IQCH: variants seen among roughly 807,000 people sequenced by gnomAD.
IQCH encodes the protein IQ motif containing H.
Under a neutral mutation model 117.0 loss-of-function variants are expected in IQCH, and 98 were observed. The observed-to-expected ratio is 0.84, with a 90% CI of 0.71 to 0.99. The LOEUF (loss-of-function observed/expected upper bound fraction) is 0.99. IQCH is among the 50% of genes least tolerant of loss of function. IQCH has a pLI of 0.00. For missense variants in IQCH, 1,102 were observed against 1,243.8 expected (o/e 0.89, Z 1.72); for synonymous variants, 412 against 448.2 (o/e 0.92, Z 1.02).
intron 6 of IQCH, 22 bp from the exon 7 acceptor site, chr15:67,357,323 C>T: frequency 6.5e-7 from 1 of 1,530,640 alleles, no homozygotes; most frequent in Non-Finnish European, 9.1e-7. Flanking sequence ...GAAAAGGTAA[C>T]ATGTACTATC....
chr15:67,376,445 T>C lies in IQCH; in HGVS notation c.1372+3012T>C, dbSNP rs1417694000. ...CACTAGTCAAAATCAGTTGGTAGGATTGTCTGGTTCAGGTAGGCATTTAAC... is the reference window on the plus strand; with the variant it reads ...CACTAGTCAAAATCAGTTGGTAGGACTGTCTGGTTCAGGTAGGCATTTAAC... On this transcript the variant is annotated intron_variant, in intron 10 of 20. Transcript: ENST00000335894. This position sits in a 1 kb window ranked among gnomAD's most constrained non-coding sequence, Gnocchi z 5.0. 6.6e-6 allele frequency among the ~76,000 whole-genome samples: 1 copy of C among 152,200 alleles called. No individual in the cohort carries two copies. Among genetic ancestry groups the C allele is most frequent in the Non-Finnish European group, 1.5e-5 (1 of 68,016 alleles).
At chr15:67,306,877 G>A (rs1596146676) in intron 4 of IQCH, 1 of 1,526,038 alleles carries the variant, frequency 6.6e-7, no homozygotes, top group Non-Finnish European at 8.8e-7. Flanking sequence ...TACTGTTCAT[G>A]TTCCCTCACT....
chr15:67,373,002 G>A (rs1281914321), intron 9 of IQCH, among the ~76,000 whole-genome samples: 2 of 151,356 alleles, frequency 1.3e-5, no homozygotes, highest in African/African-American at 4.9e-5. Flanking sequence ...TATACCTTCT[G>A]GCACTTTAAT....
rs1262761645 is a variant in IQCH at position 67,426,011 on chromosome 15, G to A, written c.2505+4434G>A. ...AGAGACCCTTCAGGGTGTGTCTTGT[G>A]TCCTTTTGACATGTCCTCATCATTC... is the stretch of plus-strand genomic sequence containing the variant. On this transcript the variant is annotated intron_variant, in intron 16 of 20. Coordinates refer to ENST00000335894, the MANE Select transcript of IQCH (RefSeq NM_001031715.3). The surrounding 1 kb of genome is among the most constrained non-coding windows in gnomAD (Gnocchi z 5.1). Among the ~76,000 whole-genome samples, 3 of 152,264 alleles carry A rather than the reference G, an allele frequency of 2.0e-5. No homozygotes were observed. In the East Asian group the frequency reaches 5.8e-4, roughly 29 times the overall value.
chr15:67,474,467 A>C lies in IQCH; in HGVS notation c.2677-1229A>C, dbSNP rs893817391. On this transcript the variant is annotated intron_variant, in intron 17 of 20. Transcript: ENST00000335894. The surrounding 1 kb of genome is among the most constrained non-coding windows in gnomAD (Gnocchi z 4.1). ...GAAAAACAGCTGATTGACTAAGGCA[A>C]ATATCACATCTCAAAAAGAACATGC... Among the ~76,000 whole-genome samples, 1 of 152,198 alleles carries C rather than the reference A, an allele frequency of 6.6e-6. No homozygotes were observed. Among genetic ancestry groups the C allele is most frequent in the Non-Finnish European group, 1.5e-5 (1 of 68,048 alleles).
intron 18 of IQCH, among the ~76,000 whole-genome samples, chr15:67,482,338 T>C (rs2083362680): frequency 6.6e-6 from 1 of 152,240 alleles, no homozygotes; most frequent in Admixed American, 6.5e-5. Flanking sequence ...AAGTATTTAT[T>C]GCAGTTACCC....
Position 67,365,284 on chromosome 15 carries a change from A to G in IQCH, c.753+5399A>G, listed in dbSNP as rs1970292987. 6.6e-6 allele frequency among the ~76,000 whole-genome samples: 1 copy of G among 152,224 alleles called. No homozygotes were observed. Among genetic ancestry groups the G allele is most frequent in the Non-Finnish European group, 1.5e-5 (1 of 68,052 alleles). ...GATCAAAGGGTATGGACATTTTTGT[A>G]TCTCAGTAGCCAAACTTTGCATTAG... On this transcript the variant is annotated intron_variant, in intron 8 of 20. Coordinates refer to ENST00000335894, the MANE Select transcript of IQCH (RefSeq NM_001031715.3). The surrounding 1 kb of genome is among the most constrained non-coding windows in gnomAD (Gnocchi z 4.4).
intron 14 of IQCH, among the ~76,000 whole-genome samples, chr15:67,414,217 C>T (rs543774804): frequency 2.6e-5 from 4 of 152,336 alleles, no homozygotes; most frequent in East Asian, 3.9e-4. Flanking sequence ...TTAAGGACTA[C>T]GTCCTATGTT....
intron 4 of IQCH, among the ~76,000 whole-genome samples, chr15:67,311,110 C>T (rs1464470993): frequency 6.6e-6 from 1 of 151,918 alleles, no homozygotes; most frequent in Non-Finnish European, 1.5e-5. Context: ...AGCTACTTGC[C>T]TGAGGTTGTG....
chr15:67,331,187 C>A (rs1374486978), intron 4 of IQCH, among the ~76,000 whole-genome samples: 1 of 152,034 alleles, frequency 6.6e-6, no homozygotes, highest in Non-Finnish European at 1.5e-5. Flanking sequence ...CTAACGAAAG[C>A]AAGGGAGGGG....
At chr15:67,343,514 A>G (rs963732177) in intron 5 of IQCH, among the ~76,000 whole-genome samples, 1 of 152,258 alleles carries the variant, frequency 6.6e-6, no homozygotes, top group Non-Finnish European at 1.5e-5. Flanking sequence ...AGTTACATTA[A>G]TACTAACCAT....
chr15:67,416,434 T>C lies in IQCH; in HGVS notation c.2098-497T>C, dbSNP rs1266736032. Among the ~76,000 whole-genome samples, 5 of 151,932 alleles carry C rather than the reference T, an allele frequency of 3.3e-5. No homozygotes were observed. The highest frequency in any genetic ancestry group is 3.3e-4 in the Admixed American group (5 of 15,250). On this transcript the variant is annotated intron_variant, in intron 14 of 20. Coordinates refer to ENST00000335894, the MANE Select transcript of IQCH (RefSeq NM_001031715.3). This position sits in a 1 kb window ranked among gnomAD's most constrained non-coding sequence, Gnocchi z 5.1. ...CGGGAGGCTGAGGCAGGAGAATCAC[T>C]TGAACCCGGGAGGCAGAGGTTGCAG...
chr15:67,274,338 A>G (rs1966034229), intron 3 of IQCH, among the ~76,000 whole-genome samples: 1 of 152,144 alleles, frequency 6.6e-6, no homozygotes, highest in African/African-American at 2.4e-5. Flanking sequence ...TATATCTTGT[A>G]GGTGATCTTC....
chr15:67,478,729 T>C (rs930127950), intron 18 of IQCH, among the ~76,000 whole-genome samples: 1 of 151,474 alleles, frequency 6.6e-6, no homozygotes, highest in Non-Finnish European at 1.5e-5. Flanking sequence ...ATCGAGACCA[T>C]CCTGGCCAAC....
At chr15:67,371,961 C>T (rs1970548505) in intron 8 of IQCH, 150 bp from the exon 9 acceptor site, 8 of 662,124 alleles carry the variant, frequency 1.2e-5, no homozygotes, top group South Asian at 6.6e-5. Flanking sequence ...GCTAGACTTT[C>T]GTATTATGAC....
At chr15:67,310,439 A>AAAC (rs138630380) in intron 4 of IQCH, among the ~76,000 whole-genome samples, 1,590 of 152,254 alleles carry the variant, frequency 0.01, 24 homozygotes, top group African/African-American at 0.037. Context: ...ATACAAATAA[A>AAAC]TAAGCAAAGA....
At chr15:67,383,680 A>T (rs2140826286) in intron 10 of IQCH, among the ~76,000 whole-genome samples, 2 of 152,334 alleles carry the variant, frequency 1.3e-5, no homozygotes, top group Middle Eastern at 3.4e-3. Flanking sequence ...AGTCACACAT[A>T]AAGACATTGG....
At chr15:67,346,834 T>C (rs1969416270) in intron 6 of IQCH, among the ~76,000 whole-genome samples, 1 of 152,100 alleles carries the variant, frequency 6.6e-6, no homozygotes, top group Non-Finnish European at 1.5e-5. Context: ...TTTAAAATAG[T>C]TAAAATCTTA....
chr15:67,294,727 C>T lies in IQCH; in HGVS notation c.387+15215C>T, dbSNP rs117729394. 6.7e-4 allele frequency among the ~76,000 whole-genome samples: 102 copies of T among 152,330 alleles called. 3 individuals are homozygous for T. The East Asian group carries it at 0.012, about 17-fold the overall frequency. On this transcript the variant is annotated intron_variant, in intron 4 of 20. Transcript: ENST00000335894. Reference sequence around the variant, plus strand: ...CCAGTGGCTTCTCTGAGCAGCTGAACTAATGCTAGCAATTGACTACCTCTG... The same window carrying T: ...CCAGTGGCTTCTCTGAGCAGCTGAATTAATGCTAGCAATTGACTACCTCTG...
Sources: allele counts gnomAD v4.1 joint callset (sites outside exome capture counted in the v4.1 genomes callset), GRCh38; gene constraint gnomAD v4.1.1; non-coding constraint Gnocchi (gnomAD v3.1); transcripts MANE v1.5; gene names NCBI Gene and HGNC (gene_info 2026-07-23, HGNC 2026-07-21).